CNIH3: variants seen among roughly 807,000 people sequenced by gnomAD.
CNIH3 encodes protein cornichon homolog 3.
CNIH3 carries 14 observed loss-of-function variants against 24.1 expected under a neutral mutation model. The ratio of observed to expected loss-of-function variants is 0.58; its 90% CI spans 0.38 to 0.91. CNIH3 has a LOEUF of 0.91. Among genes scored for constraint, CNIH3 ranks in the 40% least tolerant of loss-of-function variants. CNIH3 has a pLI of 0.00. For missense variants in CNIH3, 178 were observed against 196.8 expected, an observed-to-expected ratio of 0.90 and a Z score of 0.57; for synonymous variants, 68 against 73.8, an observed-to-expected ratio of 0.92 and a Z score of 0.40.
At chr1:224,446,844 C>T (rs1459334933) in intron 1 of CNIH3, among the ~76,000 whole-genome samples, 1 of 152,050 alleles carries the variant, frequency 6.6e-6, no homozygotes, top group Non-Finnish European at 1.5e-5. Context: ...CAGAACTCAT[C>T]CTAAGGGAGC....
intron 3 of CNIH3, among the ~76,000 whole-genome samples, chr1:224,715,726 C>T (rs1475289748): frequency 1.3e-5 from 2 of 152,074 alleles, no homozygotes; most frequent in Non-Finnish European, 2.9e-5. Flanking sequence ...GTGCCAGGCT[C>T]TTTATAATAA....
At position 224,722,024 on chromosome 1, in the gene CNIH3, C is replaced by T. The variant is rs114593122; in HGVS notation, c.199-8438C>T. Among the ~76,000 whole-genome samples the T allele has an allele frequency of 5.4e-3, 808 of 150,950 alleles. 7 individuals carry two copies. Among genetic ancestry groups the T allele is most frequent in the African/African-American group, 0.018 (742 of 41,350 alleles). ...GACAACTGCCTTTGACTGCAAATGC[C>T]GGTTGCCCAGACTTGAGCCCCTGAA... On this transcript the variant is annotated intron_variant, in intron 3 of 5. Coordinates refer to ENST00000272133, the MANE Select transcript of CNIH3 (RefSeq NM_152495.2).
chr1:224,451,946 C>CT (rs1675415420), intron 1 of CNIH3, among the ~76,000 whole-genome samples: 1 of 152,136 alleles, frequency 6.6e-6, no homozygotes, highest in Non-Finnish European at 1.5e-5. Flanking sequence ...AGATGGTTGG[C>CT]GTTCATAGTG....
chr1:224,526,356 T>A (rs1454363191), intron 2 of CNIH3, among the ~76,000 whole-genome samples: 1 of 152,170 alleles, frequency 6.6e-6, no homozygotes, highest in Non-Finnish European at 1.5e-5. Flanking sequence ...TGAATGGGAT[T>A]AGTGCCCTCG....
chr1:224,551,644 G>A (rs1378255904), intron 3 of CNIH3, among the ~76,000 whole-genome samples: 1 of 151,986 alleles, frequency 6.6e-6, no homozygotes, highest in Admixed American at 6.6e-5. Flanking sequence ...AAATATCACA[G>A]CTATGTTATT....
chr1:224,575,038 G>C (rs779911551), intron 4 of CNIH3: 4 of 881,544 alleles, frequency 4.5e-6, no homozygotes, highest in South Asian at 2.6e-5. Flanking sequence ...ATCCAGTACT[G>C]CCAGTCCAAA....
intron 3 of CNIH3, among the ~76,000 whole-genome samples, chr1:224,599,871 T>A (rs1011454161): frequency 1.3e-5 from 2 of 152,204 alleles, no homozygotes; most frequent in African/African-American, 4.8e-5. Context: ...ATTTCACAAG[T>A]TATGTTAAAA....
intron 1 of CNIH3, among the ~76,000 whole-genome samples, chr1:224,678,618 G>A (rs76133294): frequency 0.041 from 6,296 of 152,110 alleles, 212 homozygotes; most frequent in East Asian, 0.15. Context: ...AGTACTTAAA[G>A]GGGTTCTTTG....
At chr1:224,687,535 G>T (rs1205338643) in intron 3 of CNIH3, among the ~76,000 whole-genome samples, 1 of 152,146 alleles carries the variant, frequency 6.6e-6, no homozygotes, top group Non-Finnish European at 1.5e-5. Flanking sequence ...GCCCAGCCCA[G>T]CTTGCTTTCT....
At chr1:224,638,148 CT>C (rs1485654068) in intron 1 of CNIH3, among the ~76,000 whole-genome samples, 1 of 152,230 alleles carries the variant, frequency 6.6e-6, no homozygotes, top group African/African-American at 2.4e-5. Context: ...TGCCAACATC[CT>C]AGAGACTGGG....
intron 1 of CNIH3, among the ~76,000 whole-genome samples, chr1:224,667,905 A>G (rs1685673506): frequency 6.6e-6 from 1 of 152,284 alleles, no homozygotes; most frequent in Middle Eastern, 3.4e-3. Flanking sequence ...GGTAGCGTGG[A>G]TAGACAAAGT....
chr1:224,723,787 G>C (rs1384379187), intron 3 of CNIH3, among the ~76,000 whole-genome samples: 1 of 152,222 alleles, frequency 6.6e-6, no homozygotes, highest in Non-Finnish European at 1.5e-5. Flanking sequence ...TCTGGCCATG[G>C]AAGGCCAAGA....
intron 1 of CNIH3, among the ~76,000 whole-genome samples, chr1:224,645,145 C>A (rs1198987200): frequency 6.6e-6 from 1 of 152,182 alleles, no homozygotes; most frequent in Non-Finnish European, 1.5e-5. Flanking sequence ...GGAGTCAGGT[C>A]TCTACCAAGG....
intron 3 of CNIH3, among the ~76,000 whole-genome samples, chr1:224,699,270 G>C (rs559388773): frequency 5.9e-5 from 9 of 152,272 alleles, no homozygotes; most frequent in African/African-American, 1.7e-4. Flanking sequence ...TCAAAAATGG[G>C]CTAAGAAGTT....
At chr1:224,579,397 T>G (rs2125011962) in intron 4 of CNIH3, among the ~76,000 whole-genome samples, 1 of 152,232 alleles carries the variant, frequency 6.6e-6, no homozygotes, top group Admixed American at 6.5e-5. Context: ...CAAATGTGGG[T>G]TTTACTAGGC....
chr1:224,732,743 G>T (rs1172230096), intron 4 of CNIH3, among the ~76,000 whole-genome samples: 2 of 152,166 alleles, frequency 1.3e-5, no homozygotes, highest in African/African-American at 4.8e-5. Flanking sequence ...ATCGATCAGG[G>T]CACTGCTTCG....
downstream of CNIH3, among the ~76,000 whole-genome samples, chr1:224,592,248 G>A (rs1274565487): frequency 2.0e-5 from 3 of 152,078 alleles, no homozygotes; most frequent in East Asian, 3.8e-4. Flanking sequence ...TGAGAAAAAT[G>A]GAATAATTAA....
intron 1 of CNIH3, among the ~76,000 whole-genome samples, chr1:224,516,462 C>T (rs1678387696): frequency 6.6e-6 from 1 of 152,106 alleles, no homozygotes; most frequent in African/African-American, 2.4e-5. Context: ...AGACTATGAA[C>T]CTTAGAGGGC....
In CNIH3 at chr1:224,616,488, G is replaced by C. The variant is rs910881634; in HGVS notation, c.-687G>C. ...CCGGTTTCCGGGACACTTGGGTTGC[G>C]GAGGCCGGCTGGCCGGAGTCACGGT... On this transcript the variant is annotated 5_prime_UTR_variant, in exon 1 of 6. Transcript: ENST00000272133. The C allele has an allele frequency of 3.6e-5, 36 of 987,794 alleles. No individual in the cohort carries two copies. The highest frequency in any genetic ancestry group is 4.3e-5 in the Non-Finnish European group (36 of 831,092). The allele number at this position is 987,794 out of a possible 1,614,324, so 61.2% of individuals were successfully genotyped here.
Sources: allele counts gnomAD v4.1 joint callset (sites outside exome capture counted in the v4.1 genomes callset), GRCh38; gene constraint gnomAD v4.1.1; transcripts MANE v1.5; gene names NCBI Gene and HGNC (gene_info 2026-07-23, HGNC 2026-07-21).